The following PDE1B variants were observed in gnomAD, a reference collection of about 807,000 sequenced individuals.
The protein encoded by PDE1B is phosphodiesterase 1B.
In PDE1B, 13 loss-of-function variants were observed where a neutral mutation model predicts 66.7. The ratio of observed to expected loss-of-function variants is 0.19; its 90% CI spans 0.13 to 0.31. PDE1B has a LOEUF of 0.31. PDE1B is among the 10% of genes least tolerant of loss of function. PDE1B has a pLI of 1.00. For missense variants in PDE1B, 485 were observed against 682.3 expected (o/e 0.71, Z 3.22); for synonymous variants, 230 against 253.9 (o/e 0.91, Z 0.90).
At chr12:54,572,515 C>A in intron 6 of PDE1B, 86 bp from the exon 7 acceptor site, 1 of 1,324,632 alleles carries the variant, frequency 7.5e-7, no homozygotes, top group Non-Finnish European at 1.1e-6. Context: ...ACACTGCCTT[C>A]TAAAGAAAGT....
intron 13 of PDE1B, 192 bp downstream of exon 13, chr12:54,576,292 C>T: frequency 3.3e-6 from 2 of 604,592 alleles, no homozygotes; most frequent in African/African-American, 1.8e-5. Context: ...TACCTATGCT[C>T]CCCTTCACCA....
At chr12:54,555,070 G>A (rs1592364828) in intron 2 of PDE1B, among the ~76,000 whole-genome samples, 1 of 152,196 alleles carries the variant, frequency 6.6e-6, no homozygotes, top group East Asian at 1.9e-4. Flanking sequence ...CAGAAGGATA[G>A]GTGGGACTAG....
intron 6 of PDE1B, chr12:54,570,754 C>A (rs1285066094): frequency 5.0e-6 from 1 of 200,334 alleles, no homozygotes; most frequent in Non-Finnish European, 1.0e-5. Flanking sequence ...CCTCCCCCGT[C>A]CCCCAGTTCT....
At chr12:54,576,247 G>A in intron 13 of PDE1B, 147 bp downstream of exon 13, 2 of 656,018 alleles carry the variant, frequency 3.0e-6, no homozygotes, top group Non-Finnish European at 5.6e-6. Context: ...TCTGCCGTCA[G>A]GGACAGAAGG....
In PDE1B at chr12:54,549,861, C is replaced by A. The variant is rs539688546; in HGVS notation, c.-12C>A. On this transcript the variant is annotated splice_region_variant and 5_prime_UTR_variant, in exon 2 of 16. Transcript: ENST00000243052. ...CTGTCTCCTCCTTCTGTTCCGTAGACCGTGGCTGAGCATGGAGCTGTCCCC... is the reference window on the plus strand; with the variant it reads ...CTGTCTCCTCCTTCTGTTCCGTAGAACGTGGCTGAGCATGGAGCTGTCCCC... 7 of 1,604,142 alleles carry A rather than the reference C, an allele frequency of 4.4e-6. No individual in the cohort carries two copies. In the African/African-American group the frequency reaches 9.4e-5, roughly 21 times the overall value.
At chr12:54,570,916 C>T (rs1207998591) in intron 6 of PDE1B, 2 of 152,400 alleles carry the variant, frequency 1.3e-5, no homozygotes, top group African/African-American at 4.8e-5. Flanking sequence ...CTTCCTAGAT[C>T]CTGTACCAGG....
At chr12:54,551,008 A>T (rs192726043) in intron 2 of PDE1B, among the ~76,000 whole-genome samples, 1 of 152,346 alleles carries the variant, frequency 6.6e-6, no homozygotes, top group Admixed American at 6.5e-5. Context: ...TCCGAGATGA[A>T]TCCATGGCCC....
chr12:54,569,649 G>A lies in PDE1B; in HGVS notation c.477+37G>A. 2 of 1,452,914 alleles carry A rather than the reference G, an allele frequency of 1.4e-6. No individual in the cohort carries two copies. The highest frequency in any genetic ancestry group is 1.9e-6 in the Non-Finnish European group (2 of 1,033,072). 90.0% of individuals were successfully genotyped at this position (1,452,914 alleles called of 1,614,324 possible). On this transcript the variant is annotated intron_variant, in intron 5 of 15. Transcript: ENST00000243052. This position sits in a 1 kb window ranked among gnomAD's most constrained non-coding sequence, Gnocchi z 4.4. ...GTTTTTGGGAAAGAGGAGAAAGTTAGGGGATGGAATAGCCACTGGGACTTC... is the reference window on the plus strand; with the variant it reads ...GTTTTTGGGAAAGAGGAGAAAGTTAAGGGATGGAATAGCCACTGGGACTTC...
At position 54,572,749 on chromosome 12, in the gene PDE1B, C is replaced by A. The variant is rs773537744; in HGVS notation, c.735+8C>A. ...CTCCGCACAGGGATGGTGGTAGGTG[C>A]CCTGGAGATGATTCTTCTGTGATTC... On this transcript the variant is annotated splice_region_variant and intron_variant, in intron 7 of 15. Coordinates refer to ENST00000243052, the MANE Select transcript of PDE1B (RefSeq NM_000924.4). 3 of 1,613,058 alleles carry A rather than the reference C, an allele frequency of 1.9e-6. No individual in the cohort carries two copies. The African/African-American group carries it at 4.0e-5, about 22-fold the overall frequency.
chr12:54,576,772 TTTC>T, intron 14 of PDE1B, 71 bp downstream of exon 14: 1 of 1,492,958 alleles, frequency 6.7e-7, no homozygotes, highest in Middle Eastern at 1.8e-4. Context: ...GAGGTCCATT[TTTC>T]TTAAGCCCCT....
rs1957527385 is a variant in PDE1B, at chr12:54,567,038, C to T, written c.178C>T (p.Leu60=). 1 of 1,611,606 alleles carries T rather than the reference C, an allele frequency of 6.2e-7. No individual in the cohort carries two copies. The highest frequency in any genetic ancestry group is 8.5e-7 in the Non-Finnish European group (1 of 1,178,436). ...AAACATTGAGGAGCTGAAGAAAAAT[C>T]TGGAGTACACAGCTTCTCTGCTGGA... is the stretch of plus-strand genomic sequence containing the variant. ...EINIEELKKN[L]EYTASLLEAV... is the part of the protein sequence containing the mutation. The change falls in exon 3 of 16, where the codon CTG becomes TTG. Residue 60 remains leucine (L), a synonymous_variant. Coordinates refer to ENST00000243052, the MANE Select transcript of PDE1B (RefSeq NM_000924.4).
chr12:54,566,827 T>G, intron 2 of PDE1B, 147 bp from the exon 3 acceptor site: 2 of 465,376 alleles, frequency 4.3e-6, no homozygotes, highest in Non-Finnish European at 7.7e-6. Flanking sequence ...AAAGAAACAT[T>G]AGCTGCTATT....
intron 10 of PDE1B, chr12:54,574,140 G>A (rs1278402133): frequency 1.5e-5 from 3 of 195,732 alleles, no homozygotes; most frequent in Non-Finnish European, 3.2e-5. Flanking sequence ...GCTATTGGGA[G>A]AGTCATACGA....
At chr12:54,560,198 A>T (rs1340811551) in intron 2 of PDE1B, among the ~76,000 whole-genome samples, 2 of 152,138 alleles carry the variant, frequency 1.3e-5, no homozygotes, top group African/African-American at 2.4e-5. Context: ...TTGTCCCAGT[A>T]CTCAGTGGAA....
In PDE1B at chr12:54,575,542, C is replaced by T. The variant is rs747826958; in HGVS notation, c.1186-9C>T. 6.2e-7 allele frequency: 1 copy of T among 1,605,806 alleles called. No homozygotes were observed. The highest frequency in any genetic ancestry group is 8.5e-7 in the Non-Finnish European group (1 of 1,172,524). On this transcript the variant is annotated splice_polypyrimidine_tract_variant and intron_variant, in intron 11 of 15. Transcript: ENST00000243052. This position sits in a 1 kb window ranked among gnomAD's most constrained non-coding sequence, Gnocchi z 4.0. Reference sequence around the variant, plus strand: ...CTCTCCAGCTTTCCTACCCTGTTCCCTCCTCTAGGGTGACAAGGAGGCAGA... The same window carrying T: ...CTCTCCAGCTTTCCTACCCTGTTCCTTCCTCTAGGGTGACAAGGAGGCAGA...
chr12:54,550,115 A>T, intron 2 of PDE1B, 130 bp downstream of exon 2: 1 of 1,457,578 alleles, frequency 6.9e-7, no homozygotes, highest in South Asian at 1.4e-5. Flanking sequence ...AGGTGCGAGG[A>T]AGCACGGCCC....
rs1957723045 is a variant in PDE1B at position 54,575,540 on chromosome 12, C to A, written c.1186-11C>A. 1.3e-6 allele frequency: 2 copies of A among 1,597,486 alleles called. No homozygotes were observed. The highest frequency in any genetic ancestry group is 3.3e-5 in the Admixed American group (2 of 59,978). ...TCCTCTCCAGCTTTCCTACCCTGTT[C>A]CCTCCTCTAGGGTGACAAGGAGGCA... On this transcript the variant is annotated splice_polypyrimidine_tract_variant and intron_variant, in intron 11 of 15. Transcript: ENST00000243052. This position sits in a 1 kb window ranked among gnomAD's most constrained non-coding sequence, Gnocchi z 4.0.
At chr12:54,560,129 G>C (rs191177604) in intron 2 of PDE1B, among the ~76,000 whole-genome samples, 13 of 152,270 alleles carry the variant, frequency 8.5e-5, no homozygotes, top group African/African-American at 2.9e-4. Flanking sequence ...GTTCACTAGA[G>C]AACAGCCTTA....
chr12:54,573,655 C>T lies in PDE1B; in HGVS notation c.1010C>T (p.Ser337Phe). Residue 337 changes from serine (S) to phenylalanine (F), a missense_variant, in exon 10 of 16, where the codon TCC becomes TTC. Transcript: ENST00000243052. This position sits in a 1 kb window ranked among gnomAD's most constrained non-coding sequence, Gnocchi z 5.2. ...VIEMVLATDM[S>F]CHFQQVKTMK... Reference sequence around the variant, plus strand: ...GAGATGGTGTTGGCCACAGACATGTCCTGCCATTTCCAGCAAGTGAAGACC... The same window carrying T: ...GAGATGGTGTTGGCCACAGACATGTTCTGCCATTTCCAGCAAGTGAAGACC... The T allele has an allele frequency of 6.2e-7, 1 of 1,614,164 alleles. No homozygotes were observed. Among genetic ancestry groups the T allele is most frequent in the Non-Finnish European group, 8.5e-7 (1 of 1,180,036 alleles).
Sources: allele counts gnomAD v4.1 joint callset (sites outside exome capture counted in the v4.1 genomes callset), GRCh38; gene constraint gnomAD v4.1.1; non-coding constraint Gnocchi (gnomAD v3.1); transcripts MANE v1.5; gene names NCBI Gene and HGNC (gene_info 2026-07-23, HGNC 2026-07-21).